Variants in MEIS2 observed in about 807,000 individuals in gnomAD.
MEIS2 encodes Meis homeobox 2.
In MEIS2, 9 loss-of-function variants were observed where a neutral mutation model predicts 58.6. That is an observed-to-expected ratio of 0.15 (90% CI 0.09 to 0.27). The LOEUF (loss-of-function observed/expected upper bound fraction) is 0.27, where lower values mean the gene tolerates loss of function less well. Among genes scored for constraint, MEIS2 ranks in the 10% least tolerant of loss-of-function variants. The pLI, the probability that MEIS2 is intolerant of heterozygous loss-of-function variation, is 1.00. For missense variants in MEIS2, 427 were observed against 635.0 expected (o/e 0.67, Z 3.52); for synonymous variants, 221 against 228.4 (o/e 0.97, Z 0.29).
At chr15:36,972,139 CCGTTATGCTGTCA>C (rs2059591563) in intron 8 of MEIS2, among the ~76,000 whole-genome samples, 1 of 151,986 alleles carries the variant, frequency 6.6e-6, no homozygotes, top group Non-Finnish European at 1.5e-5. Flanking sequence ...TCATGATGTT[CCGTTATGCTGTCA>C]ATAAAAAGTT....
intron 1 of MEIS2, 117 bp downstream of exon 1, chr15:37,099,338 G>C (rs1334297438): frequency 4.5e-6 from 7 of 1,564,216 alleles, no homozygotes; most frequent in Admixed American, 2.0e-5. Flanking sequence ...TAAAATACTG[G>C]CCGCCATCAT....
At chr15:36,995,703 T>A (rs2042069978) in intron 8 of MEIS2, among the ~76,000 whole-genome samples, 2 of 182 alleles carry the variant, frequency 0.011, no homozygotes, top group African/African-American at 0.012. Context: ...AGTTTACAGC[T>A]ACTAAAAAAA....
chr15:36,930,479 G>T (rs2057932753), intron 9 of MEIS2, among the ~76,000 whole-genome samples: 1 of 152,138 alleles, frequency 6.6e-6, no homozygotes, highest in Non-Finnish European at 1.5e-5. Context: ...CTGACAAGGT[G>T]CAAACATATA....
chr15:37,019,054 T>G (rs2061438632), intron 8 of MEIS2, among the ~76,000 whole-genome samples: 8 of 151,932 alleles, frequency 5.3e-5, no homozygotes, highest in Admixed American at 5.2e-4. Context: ...GGGGTGAGGG[T>G]TGGAATGAGA....
chr15:37,011,384 G>A (rs556666828), intron 8 of MEIS2, among the ~76,000 whole-genome samples: 5 of 152,128 alleles, frequency 3.3e-5, no homozygotes, highest in South Asian at 2.1e-4. Flanking sequence ...TTAATTATAC[G>A]CAGACATTTC....
chr15:37,004,745 C>A (rs1045795216), intron 8 of MEIS2, among the ~76,000 whole-genome samples: 1 of 152,166 alleles, frequency 6.6e-6, no homozygotes, highest in South Asian at 2.1e-4. Context: ...TAAGATCATG[C>A]CTTGGTAGGC....
At chr15:37,025,692 A>T (rs780877949) in intron 8 of MEIS2, among the ~76,000 whole-genome samples, 5 of 151,912 alleles carry the variant, frequency 3.3e-5, no homozygotes, top group Admixed American at 2.6e-4. Context: ...CCATGGACAA[A>T]CGGGTACAAG....
intron 8 of MEIS2, among the ~76,000 whole-genome samples, chr15:36,977,979 C>T (rs925661643): frequency 5.9e-5 from 9 of 152,192 alleles, no homozygotes; most frequent in African/African-American, 2.2e-4. Context: ...TGAAAACTTT[C>T]CTTGCTAGCC....
chr15:37,082,869 G>C (rs898894276), intron 7 of MEIS2, among the ~76,000 whole-genome samples: 2 of 151,830 alleles, frequency 1.3e-5, no homozygotes, highest in African/African-American at 4.8e-5. Flanking sequence ...ACTACAGCTC[G>C]AGCTGTTAAA....
chr15:36,918,222 T>C (rs141623919), intron 9 of MEIS2, among the ~76,000 whole-genome samples: 82 of 152,346 alleles, frequency 5.4e-4, no homozygotes, highest in African/African-American at 1.8e-3. Context: ...TCCATTAAGT[T>C]TTGTGTGATG....
In MEIS2 at chr15:37,001,463, GAATAGTTACT is replaced by G. The variant is rs1184427481; in HGVS notation, c.900+35341_900+35350del. ...AAACCTACTCCTGTTTTATTTATTTGAATAGTTACTGGCATTCTAATATAGTCAGGCCCAA... is the reference window on the plus strand; with the variant it reads ...AAACCTACTCCTGTTTTATTTATTTGGGCATTCTAATATAGTCAGGCCCAA... On this transcript the variant is annotated intron_variant, in intron 8 of 11. Transcript: ENST00000561208. Among the ~76,000 whole-genome samples the G allele has an allele frequency of 2.0e-5, 3 of 152,190 alleles. No homozygotes were observed. In the East Asian group the frequency reaches 5.8e-4, roughly 29 times the overall value.
intron 9 of MEIS2, among the ~76,000 whole-genome samples, chr15:36,906,605 T>C (rs1039640561): frequency 6.7e-6 from 1 of 148,982 alleles, no homozygotes; most frequent in Non-Finnish European, 1.5e-5. Context: ...TTACCTTTGG[T>C]TTGACAATAG....
In MEIS2 at chr15:36,939,543, CTTAT is replaced by C. The variant is rs2058301340; in HGVS notation, c.977+10777_977+10780del. On this transcript the variant is annotated intron_variant, in intron 9 of 11. Transcript: ENST00000561208. ...CTAGGAAGGTCTAGCAATAGAGGTCCTTATTTTTTTTTTTTAATTTGTTAATGAT... is the reference window on the plus strand; with the variant it reads ...CTAGGAAGGTCTAGCAATAGAGGTCCTTTTTTTTTTTAATTTGTTAATGAT... 7.2e-5 allele frequency among the ~76,000 whole-genome samples: 4 copies of C among 55,392 alleles called. No homozygotes were observed. In the South Asian group the frequency reaches 4.2e-3, roughly 59 times the overall value. 36.3% of individuals were successfully genotyped at this position (55,392 alleles called of 152,430 possible).
At chr15:36,912,600 A>C (rs1018200327) in intron 9 of MEIS2, among the ~76,000 whole-genome samples, 3 of 152,166 alleles carry the variant, frequency 2.0e-5, no homozygotes, top group African/African-American at 7.2e-5. Context: ...AAGCCACATA[A>C]AGTCAATGAA....
At chr15:37,005,240 C>T (rs1005947403) in intron 8 of MEIS2, among the ~76,000 whole-genome samples, 3 of 152,050 alleles carry the variant, frequency 2.0e-5, no homozygotes, top group African/African-American at 7.2e-5. Flanking sequence ...TCTGTAAGTT[C>T]GTAATGAAAT....
At chr15:36,987,718 C>A (rs568767237) in intron 8 of MEIS2, among the ~76,000 whole-genome samples, 4 of 152,008 alleles carry the variant, frequency 2.6e-5, no homozygotes, top group African/African-American at 9.6e-5. Context: ...CTGAAAGTCC[C>A]TTAGTTCCTT....
intron 8 of MEIS2, among the ~76,000 whole-genome samples, chr15:37,014,727 G>A (rs752752980): frequency 3.3e-5 from 5 of 151,988 alleles, no homozygotes; most frequent in African/African-American, 4.8e-5. Context: ...TTCAATTATC[G>A]TCTCCAACTG....
intron 5 of MEIS2, 196 bp from the exon 6 acceptor site, chr15:37,093,926 A>T: frequency 1.6e-6 from 1 of 615,586 alleles, no homozygotes; most frequent in Non-Finnish European, 2.8e-6. Flanking sequence ...GTTGCAGCAG[A>T]TATTATTCTC....
In MEIS2 at chr15:37,093,781, GTTTT is replaced by G. The variant is rs758555962; in HGVS notation, c.490-55_490-52del. 3 of 1,597,938 alleles carry G rather than the reference GTTTT, an allele frequency of 1.9e-6. No homozygotes were observed. In the East Asian group the frequency reaches 6.7e-5, roughly 36 times the overall value. On this transcript the variant is annotated intron_variant, in intron 5 of 11. Transcript: ENST00000561208. ...TTTAGCTCATGTTGTTGTTGTTGTT[GTTTT>G]GTTTCATTTTTAGAAAGGAAAAATA...
Sources: allele counts gnomAD v4.1 joint callset (sites outside exome capture counted in the v4.1 genomes callset), GRCh38; gene constraint gnomAD v4.1.1; transcripts MANE v1.5; gene names NCBI Gene and HGNC (gene_info 2026-07-23, HGNC 2026-07-21).